The following ROCK2 variants were observed in gnomAD, a reference collection of about 807,000 sequenced individuals.
The protein encoded by ROCK2 is rho-associated protein kinase 2.
A neutral mutation model predicts 195.1 loss-of-function variants in ROCK2; 61 were observed. That is an observed-to-expected ratio of 0.31 (90% CI 0.25 to 0.39). The LOEUF (loss-of-function observed/expected upper bound fraction) is 0.39, where lower values mean the gene tolerates loss of function less well. Among genes scored for constraint, ROCK2 ranks in the 10% least tolerant of loss-of-function variants. ROCK2 has a pLI of 1.00. For missense variants in ROCK2, 1,109 were observed against 1,637.4 expected (o/e 0.68, Z 5.57); for synonymous variants, 504 against 545.5 (o/e 0.92, Z 1.06).
intron 11 of ROCK2, 56 bp downstream of exon 11, chr2:11,218,399 T>C: frequency 1.4e-6 from 2 of 1,428,472 alleles, no homozygotes; most frequent in African/African-American, 1.4e-5. Flanking sequence ...ATTTAAACTT[T>C]GCGAGAGTGA....
At chr2:11,238,247 G>GTGTGT (rs1665295228) in intron 4 of ROCK2, among the ~76,000 whole-genome samples, 1 of 138,108 alleles carries the variant, frequency 7.2e-6, no homozygotes, top group African/African-American at 2.7e-5. Flanking sequence ...TGTGTCTGTT[G>GTGTGT]TGTGTGTCAG....
intron 1 of ROCK2, among the ~76,000 whole-genome samples, chr2:11,318,229 A>G (rs1668287222): frequency 6.6e-6 from 1 of 152,208 alleles, no homozygotes; most frequent in South Asian, 2.1e-4. Context: ...AGTCCCACCA[A>G]CAGTGTAAAA....
chr2:11,335,391 T>C (rs1316975499), intron 1 of ROCK2, among the ~76,000 whole-genome samples: 3 of 152,132 alleles, frequency 2.0e-5, no homozygotes, highest in Non-Finnish European at 4.4e-5. Flanking sequence ...GCACCATGAT[T>C]TCACATCAAT....
chr2:11,242,773 T>G (rs931103486), intron 4 of ROCK2, among the ~76,000 whole-genome samples: 1 of 152,200 alleles, frequency 6.6e-6, no homozygotes, highest in African/African-American at 2.4e-5. Flanking sequence ...TCATGCCATG[T>G]GTGTACTACC....
intron 23 of ROCK2, among the ~76,000 whole-genome samples, chr2:11,200,665 GA>G (rs1250145510): frequency 1.3e-5 from 2 of 151,748 alleles, no homozygotes; most frequent in African/African-American, 4.8e-5. Flanking sequence ...AACCTGCACG[GA>G]ACTGTTTTCC....
In ROCK2 at chr2:11,193,777, A is replaced by T; in HGVS notation, c.3687+2T>A. On this transcript the variant is annotated splice_donor_variant, in intron 30 of 32. Coordinates refer to ENST00000315872, the MANE Select transcript of ROCK2 (RefSeq NM_004850.5). LOFTEE classifies it high-confidence loss of function. ...ACCAAATATAAACAAAACTATGTTT[A>T]CCTGGAATATCCTTGGAATTTCTTT... 1 of 1,562,104 alleles carries T rather than the reference A, an allele frequency of 6.4e-7. No homozygotes were observed. Among genetic ancestry groups the T allele is most frequent in the Non-Finnish European group, 8.7e-7 (1 of 1,144,852 alleles).
chr2:11,226,660 C>T (rs945503538), intron 6 of ROCK2, among the ~76,000 whole-genome samples: 1 of 151,612 alleles, frequency 6.6e-6, no homozygotes, highest in African/African-American at 2.4e-5. Context: ...GCCTAAAATC[C>T]CAGCACTTTG....
intron 3 of ROCK2, among the ~76,000 whole-genome samples, chr2:11,266,970 C>A (rs898264986): frequency 1.3e-5 from 2 of 151,988 alleles, no homozygotes; most frequent in African/African-American, 2.4e-5. Flanking sequence ...AAATAAAAGC[C>A]TTCTTTATTT....
intron 1 of ROCK2, 67 bp from the exon 2 acceptor site, chr2:11,287,803 T>C: frequency 1.8e-6 from 1 of 565,696 alleles, no homozygotes; most frequent in Admixed American, 3.5e-5. Context: ...AAAAAAGTCT[T>C]TTAATTTTAT....
intron 19 of ROCK2, 27 bp downstream of exon 19, chr2:11,208,260 T>C: frequency 8.0e-7 from 1 of 1,255,058 alleles, no homozygotes. Flanking sequence ...TAGTTTATTA[T>C]TAATCATTAG....
intron 3 of ROCK2, among the ~76,000 whole-genome samples, chr2:11,261,972 A>C (rs1666243043): frequency 6.6e-6 from 1 of 152,258 alleles, no homozygotes; most frequent in South Asian, 2.1e-4. Flanking sequence ...GTTATTGCAT[A>C]GATAAAATGA....
At position 11,183,445 on chromosome 2, in the gene ROCK2, A is replaced by G; in HGVS notation, c.4164-5T>C. The G allele has an allele frequency of 6.3e-7, 1 of 1,586,346 alleles. No individual in the cohort carries two copies. The highest frequency in any genetic ancestry group is 1.3e-5 in the African/African-American group (1 of 74,126). On this transcript the variant is annotated splice_polypyrimidine_tract_variant and splice_region_variant and intron_variant, in intron 32 of 32. Transcript: ENST00000315872. ...GCTTTCATAGAAGGCAGTTAGCTGA[A>G]AAGAAAGGAAAAATAAAGTTAGTTG...
intron 3 of ROCK2, among the ~76,000 whole-genome samples, chr2:11,251,925 T>C (rs1665842932): frequency 2.0e-5 from 3 of 152,168 alleles, no homozygotes. Context: ...TCATCATCAC[T>C]GGTCATTAGA....
chr2:11,217,437 A>G (rs2148069575), intron 11 of ROCK2: 1 of 484,712 alleles, frequency 2.1e-6, no homozygotes, highest in African/African-American at 2.0e-5. Context: ...GAATTGTTCT[A>G]TGACACAAAG....
chr2:11,334,424 T>A (rs1423494296), intron 1 of ROCK2, among the ~76,000 whole-genome samples: 1 of 141,638 alleles, frequency 7.1e-6, no homozygotes, highest in East Asian at 2.1e-4. Flanking sequence ...GGCAGGGGAA[T>A]CCCTTGAACC....
At chr2:11,345,136 GC>G (rs1669265225), upstream of ROCK2, among the ~76,000 whole-genome samples, 1 of 152,218 alleles carries the variant, frequency 6.6e-6, no homozygotes, top group South Asian at 2.1e-4. Context: ...GGGCCGCAGG[GC>G]CGGGGGTTTC....
At chr2:11,211,984 C>G (rs1664264896) in intron 17 of ROCK2, 144 bp from the exon 18 acceptor site, 1 of 543,310 alleles carries the variant, frequency 1.8e-6, no homozygotes, top group African/African-American at 1.9e-5. Context: ...TGGCTCATTG[C>G]AGCCTCAACC....
At chr2:11,266,885 AAAAAT>A (rs753169917) in intron 3 of ROCK2, among the ~76,000 whole-genome samples, 7 of 152,246 alleles carry the variant, frequency 4.6e-5, no homozygotes, top group Non-Finnish European at 1.0e-4. Context: ...TTTCATTTCT[AAAAAT>A]TAAGACTTTC....
At chr2:11,193,989 C>A in intron 29 of ROCK2, 132 bp from the exon 30 acceptor site, 1 of 452,958 alleles carries the variant, frequency 2.2e-6, no homozygotes, top group South Asian at 6.2e-5. Context: ...ATATTTTGTT[C>A]TATTAATTCT....
Sources: allele counts gnomAD v4.1 joint callset (sites outside exome capture counted in the v4.1 genomes callset), GRCh38; gene constraint gnomAD v4.1.1; transcripts MANE v1.5; gene names NCBI Gene and HGNC (gene_info 2026-07-23, HGNC 2026-07-21).